Variants in OR10G3 observed in about 807,000 individuals in gnomAD.
OR10G3 encodes olfactory receptor 10G3.
OR10G3 carries 8 observed loss-of-function variants against 13.4 expected under a neutral mutation model. The observed-to-expected ratio is 0.60, with a 90% CI of 0.35 to 1.08. The LOEUF is 1.08. OR10G3 is among the 50% of genes least tolerant of loss of function. The probability of loss-of-function intolerance (pLI) is 0.02; values close to 1 mark genes in which losing one functional copy is unlikely to be tolerated. For missense variants in OR10G3, 393 were observed against 386.6 expected, an observed-to-expected ratio of 1.02 and a Z score of -0.14; for synonymous variants, 142 against 156.1, an observed-to-expected ratio of 0.91 and a Z score of 0.67.
chr14:21,572,759 G>C (rs909727887), intron 1 of OR10G3, among the ~76,000 whole-genome samples: 10 of 152,024 alleles, frequency 6.6e-5, no homozygotes, highest in African/African-American at 2.4e-4. Context: ...GTTGATTTCT[G>C]GGCTCTGTAT....
At chr14:21,572,336 C>T (rs1310308947) in intron 1 of OR10G3, among the ~76,000 whole-genome samples, 17 of 120,824 alleles carry the variant, frequency 1.4e-4, no homozygotes, top group South Asian at 6.0e-4. Context: ...TGGTGGCTCA[C>T]GCCTGTAATC....
chr14:21,579,765 AT>A lies in OR10G3; in HGVS notation c.-18+20del, dbSNP rs1341066588. On this transcript the variant is annotated intron_variant, in intron 1 of 1. Transcript: ENST00000641040. ...TGGGATTAGAACAGTGGCAGGTGCT[AT>A]TTTGAGAAGAGGAACTCACCTGAAG... 1.3e-5 allele frequency: 2 copies of A among 152,214 alleles called. No homozygotes were observed. The highest frequency in any genetic ancestry group is 4.8e-5 in the African/African-American group (2 of 41,462). The allele number at this position is 152,214 out of a possible 1,614,324, so 9.4% of individuals were successfully genotyped here. A position where few individuals can be genotyped will look rare whatever the true frequency, so the allele number is the denominator to read the frequency against.
intron 1 of OR10G3, among the ~76,000 whole-genome samples, chr14:21,579,281 G>T (rs1195975953): frequency 1.3e-5 from 2 of 151,920 alleles, no homozygotes; most frequent in East Asian, 3.9e-4. Flanking sequence ...GTCTCTCTCT[G>T]TTGCCCAGGC....
rs546224897 is a variant in OR10G3 at position 21,572,219 on chromosome 14, G to A, written c.-17-1458C>T. 3.5e-5 allele frequency among the ~76,000 whole-genome samples: 5 copies of A among 143,762 alleles called. No individual in the cohort carries two copies. In the South Asian group the frequency reaches 8.9e-4, roughly 26 times the overall value. The allele number at this position is 143,762 out of a possible 152,430, so 94.3% of individuals were successfully genotyped here. On this transcript the variant is annotated intron_variant, in intron 1 of 1. Coordinates refer to ENST00000641040, the MANE Select transcript of OR10G3 (RefSeq NM_001005465.2). ...AGGCAGGAGAATCACTTGAACCCAG[G>A]GGGTGGAGGTGAGCTGAGATTGCAC... is the stretch of plus-strand genomic sequence containing the variant.
At position 21,569,117 on chromosome 14, in the gene OR10G3, A is replaced by G. The variant is rs1207206207; in HGVS notation, c.*686T>C. 1 of 152,462 alleles carries G rather than the reference A, an allele frequency of 6.6e-6. No homozygotes were observed. The highest frequency in any genetic ancestry group is 2.4e-5 in the African/African-American group (1 of 41,416). The allele number at this position is 152,462 out of a possible 1,614,324, so 9.4% of individuals were successfully genotyped here. ...TGGTCACAAGGTCCCACAATAGGCCATCTGCAGGCTGAGGAGCAAGGAGAG... is the reference window on the plus strand; with the variant it reads ...TGGTCACAAGGTCCCACAATAGGCCGTCTGCAGGCTGAGGAGCAAGGAGAG... On this transcript the variant is annotated 3_prime_UTR_variant, in exon 2 of 2. Transcript: ENST00000641040.
At position 21,579,952 on chromosome 14, in the gene OR10G3, C is replaced by A. The variant is rs1450438892; in HGVS notation, c.-184G>T. The A allele has an allele frequency of 6.6e-6, 1 of 152,154 alleles. No homozygotes were observed. Among genetic ancestry groups the A allele is most frequent in the Non-Finnish European group, 1.5e-5 (1 of 68,020 alleles). 9.4% of individuals were successfully genotyped at this position (152,154 alleles called of 1,614,324 possible). A position where few individuals can be genotyped will look rare whatever the true frequency, so the allele number is the denominator to read the frequency against. ...TTTTGGCTGGATCAAAGTAAAGAGTCAAACTATGGAAACTTAATTTATTAT... is the reference window on the plus strand; with the variant it reads ...TTTTGGCTGGATCAAAGTAAAGAGTAAAACTATGGAAACTTAATTTATTAT... On this transcript the variant is annotated 5_prime_UTR_variant, in exon 1 of 2. Coordinates refer to ENST00000641040, the MANE Select transcript of OR10G3 (RefSeq NM_001005465.2).
intron 1 of OR10G3, among the ~76,000 whole-genome samples, 182 bp from the exon 2 acceptor site, chr14:21,570,943 C>G (rs1480778978): frequency 6.6e-6 from 1 of 152,214 alleles, no homozygotes; most frequent in Non-Finnish European, 1.5e-5. Context: ...TATTGGAACA[C>G]AGCCTTGCTC....
intron 1 of OR10G3, among the ~76,000 whole-genome samples, chr14:21,579,076 G>A (rs1876830227): frequency 6.6e-6 from 1 of 152,158 alleles, no homozygotes; most frequent in Non-Finnish European, 1.5e-5. Context: ...AGCAAGGGTG[G>A]CACCACCACA....
At chr14:21,579,245 A>C (rs946947498) in intron 1 of OR10G3, among the ~76,000 whole-genome samples, 1 of 151,808 alleles carries the variant, frequency 6.6e-6, no homozygotes, top group South Asian at 2.1e-4. Flanking sequence ...AATTTTTTTA[A>C]TTTTAATTTT....
intron 1 of OR10G3, chr14:21,574,768 C>A (rs565870911): frequency 1.3e-5 from 2 of 152,076 alleles, no homozygotes; most frequent in African/African-American, 4.8e-5. Flanking sequence ...GGCAACATAG[C>A]AAGACCCTAT....
At position 21,569,286 on chromosome 14, in the gene OR10G3, G is replaced by A. The variant is rs752549679; in HGVS notation, c.*517C>T. 2.0e-5 allele frequency: 3 copies of A among 153,172 alleles called. No homozygotes were observed. Among genetic ancestry groups the A allele is most frequent in the South Asian group, 2.0e-4 (1 of 4,924 alleles). The allele number at this position is 153,172 out of a possible 1,614,324, so 9.5% of individuals were successfully genotyped here. On this transcript the variant is annotated 3_prime_UTR_variant, in exon 2 of 2. Transcript: ENST00000641040. ...TGCCTGCTTATATTCTAGCCTCGCC[G>A]GCAGCTGATTAGGTTGCGCCTGCCC...
Position 21,569,854 on chromosome 14 carries a change from C to T in OR10G3, c.891G>A (p.Lys297=). Residue 297 remains lysine, a synonymous_variant, in exon 2 of 2, where the codon AAG becomes AAA. Transcript: ENST00000641040. ...TTCTGAGCATTCTTTTCAGGGCCAGCTTCACCTCTTGGTTCCGCAGAGTGT... is the reference window on the plus strand; with the variant it reads ...TTCTGAGCATTCTTTTCAGGGCCAGTTTCACCTCTTGGTTCCGCAGAGTGT... ...LIYTLRNQEV[K]LALKRMLRSP... The T allele has an allele frequency of 6.2e-7, 1 of 1,614,208 alleles. No individual in the cohort carries two copies. The highest frequency in any genetic ancestry group is 8.5e-7 in the Non-Finnish European group (1 of 1,180,040).
intron 1 of OR10G3, among the ~76,000 whole-genome samples, chr14:21,579,243 T>A (rs894034011): frequency 2.0e-5 from 3 of 150,292 alleles, no homozygotes; most frequent in African/African-American, 7.3e-5. Context: ...TTAATTTTTT[T>A]AATTTTAATT....
intron 1 of OR10G3, among the ~76,000 whole-genome samples, chr14:21,577,123 C>G (rs1321614207): frequency 6.6e-6 from 1 of 152,174 alleles, no homozygotes; most frequent in African/African-American, 2.4e-5. Context: ...TGCATACTCT[C>G]TGGCTCATTA....
rs1037782093 is a variant in OR10G3 at position 21,578,345 on chromosome 14, A to G, written c.-18+1441T>C. Among the ~76,000 whole-genome samples the G allele has an allele frequency of 5.9e-5, 9 of 152,202 alleles. No homozygotes were observed. In the South Asian group the frequency reaches 1.2e-3, roughly 21 times the overall value. Reference sequence around the variant, plus strand: ...AGAGTAGCTTGAACCCGGAAGGCAGAGGTTGCAGTGACTTGAGATCGTGCG... The same window carrying G: ...AGAGTAGCTTGAACCCGGAAGGCAGGGGTTGCAGTGACTTGAGATCGTGCG... On this transcript the variant is annotated intron_variant, in intron 1 of 1. Transcript: ENST00000641040.
chr14:21,571,361 C>T (rs1032145079), intron 1 of OR10G3, among the ~76,000 whole-genome samples: 1 of 152,116 alleles, frequency 6.6e-6, no homozygotes, highest in Admixed American at 6.5e-5. Flanking sequence ...ATCTACTTTC[C>T]AAGTTCTTTA....
At chr14:21,579,481 G>C (rs1876839556) in intron 1 of OR10G3, among the ~76,000 whole-genome samples, 1 of 152,166 alleles carries the variant, frequency 6.6e-6, no homozygotes. Context: ...CTGACCTCAG[G>C]TGATCCGCCC....
At chr14:21,578,382 G>A (rs993639943) in intron 1 of OR10G3, among the ~76,000 whole-genome samples, 1 of 152,080 alleles carries the variant, frequency 6.6e-6, no homozygotes, top group Non-Finnish European at 1.5e-5. Flanking sequence ...TTGCACTCCA[G>A]CCTGGGCAAC....
intron 1 of OR10G3, among the ~76,000 whole-genome samples, chr14:21,578,336 G>A (rs1223665269): frequency 1.3e-5 from 2 of 151,992 alleles, no homozygotes; most frequent in Non-Finnish European, 2.9e-5. Context: ...GCTTGAACCC[G>A]GAAGGCAGAG....
Sources: gnomAD v4.1 joint callset for allele counts (sites outside exome capture counted in the v4.1 genomes callset) on GRCh38, gnomAD v4.1.1 for gene constraint, MANE v1.5 for transcripts, NCBI Gene and HGNC (gene_info 2026-07-23, HGNC 2026-07-21) for gene names.